The following FSTL5 variants were observed in gnomAD, a reference collection of about 807,000 sequenced individuals.
FSTL5 encodes the protein follistatin like 5.
Under a neutral mutation model 89.1 loss-of-function variants are expected in FSTL5, and 62 were observed. The observed-to-expected ratio is 0.70, with a 90% CI of 0.57 to 0.86. The LOEUF is 0.86. FSTL5 is among the 40% of genes least tolerant of loss of function. FSTL5 has a pLI of 0.00. For missense variants in FSTL5, 1,057 were observed against 1,001.6 expected (o/e 1.06, Z -0.75); for synonymous variants, 383 against 346.2 (o/e 1.11, Z -1.18).
chr4:161,813,434 G>A (rs1305747487), intron 4 of FSTL5, among the ~76,000 whole-genome samples: 2 of 149,766 alleles, frequency 1.3e-5, no homozygotes, highest in African/African-American at 2.5e-5. Context: ...TTTGGGGGGC[G>A]GGGAGCATGT....
At chr4:161,733,163 A>T (rs1190522189) in intron 6 of FSTL5, among the ~76,000 whole-genome samples, 1 of 151,812 alleles carries the variant, frequency 6.6e-6, no homozygotes, top group Non-Finnish European at 1.5e-5. Context: ...CTCTCATAAA[A>T]ATTGGCCTTT....
intron 11 of FSTL5, among the ~76,000 whole-genome samples, chr4:161,505,302 A>T (rs1322191887): frequency 6.6e-6 from 1 of 151,634 alleles, no homozygotes; most frequent in Non-Finnish European, 1.5e-5. Flanking sequence ...TTGTCTTTGT[A>T]CACAGAGCAA....
At chr4:161,736,636 C>T (rs766490071) in intron 6 of FSTL5, among the ~76,000 whole-genome samples, 14 of 152,038 alleles carry the variant, frequency 9.2e-5, no homozygotes, top group Non-Finnish European at 1.9e-4. Flanking sequence ...CGGTATGTAG[C>T]TTGGGAACTG....
chr4:161,530,448 A>C (rs1240057896), intron 10 of FSTL5, among the ~76,000 whole-genome samples: 1 of 145,332 alleles, frequency 6.9e-6, no homozygotes, highest in African/African-American at 2.5e-5. Flanking sequence ...AGCCATTTGA[A>C]ATGTGTTTTT....
chr4:161,569,289 C>T (rs537586543), intron 8 of FSTL5, among the ~76,000 whole-genome samples: 2 of 152,200 alleles, frequency 1.3e-5, no homozygotes, highest in East Asian at 3.9e-4. Flanking sequence ...AGTAAAAAGC[C>T]ATGGCTGCCA....
chr4:162,032,127 T>C (rs1307412426), intron 3 of FSTL5, among the ~76,000 whole-genome samples: 1 of 152,166 alleles, frequency 6.6e-6, no homozygotes, highest in Non-Finnish European at 1.5e-5. Flanking sequence ...ACATGATTTA[T>C]ATACCCCAAG....
At chr4:161,672,457 A>G (rs983344040) in intron 6 of FSTL5, among the ~76,000 whole-genome samples, 1 of 152,028 alleles carries the variant, frequency 6.6e-6, no homozygotes, top group Admixed American at 6.6e-5. Flanking sequence ...ATTAGAAATG[A>G]GCTTTTTGCT....
At chr4:162,052,851 T>A (rs1240048548) in intron 2 of FSTL5, among the ~76,000 whole-genome samples, 1 of 151,898 alleles carries the variant, frequency 6.6e-6, no homozygotes, top group Non-Finnish European at 1.5e-5. Flanking sequence ...ATAGTCATTG[T>A]GTTGTATAAT....
intron 7 of FSTL5, among the ~76,000 whole-genome samples, chr4:161,601,170 G>C (rs1421682157): frequency 6.6e-6 from 1 of 152,018 alleles, no homozygotes; most frequent in Non-Finnish European, 1.5e-5. Flanking sequence ...TTCACAATTT[G>C]CTCTTCAGAA....
At chr4:161,600,697 A>G (rs2126623850) in intron 7 of FSTL5, among the ~76,000 whole-genome samples, 1 of 152,300 alleles carries the variant, frequency 6.6e-6, no homozygotes, top group Admixed American at 6.5e-5. Flanking sequence ...AGCGAATACA[A>G]TTTTATTTTG....
chr4:161,432,350 A>G (rs1732406958), intron 15 of FSTL5, among the ~76,000 whole-genome samples: 1 of 152,112 alleles, frequency 6.6e-6, no homozygotes, highest in Non-Finnish European at 1.5e-5. Context: ...TATGCTCCTG[A>G]ATGAGCAGCG....
At chr4:161,478,992 T>A (rs75070211) in intron 13 of FSTL5, among the ~76,000 whole-genome samples, 4,395 of 151,398 alleles carry the variant, frequency 0.029, 148 homozygotes, top group East Asian at 0.13. Flanking sequence ...AGTAGTTACA[T>A]GTGGTAATAG....
At chr4:161,663,084 TC>T (rs1290566763) in intron 6 of FSTL5, among the ~76,000 whole-genome samples, 1 of 152,024 alleles carries the variant, frequency 6.6e-6, no homozygotes, top group African/African-American at 2.4e-5. Context: ...TCAGTTACCT[TC>T]CCCTGGGTCC....
chr4:161,964,439 TA>T (rs1735267693), intron 3 of FSTL5, among the ~76,000 whole-genome samples: 2 of 152,050 alleles, frequency 1.3e-5, no homozygotes, highest in African/African-American at 4.8e-5. Context: ...CAAAATCACA[TA>T]GTGCAATGAG....
At chr4:161,503,330 T>G (rs1578882592) in intron 11 of FSTL5, among the ~76,000 whole-genome samples, 1 of 151,862 alleles carries the variant, frequency 6.6e-6, no homozygotes, top group Non-Finnish European at 1.5e-5. Flanking sequence ...TAACCAGACT[T>G]TGATAACTAT....
Position 161,728,593 on chromosome 4 carries a change from T to C in FSTL5, c.727+30818A>G, listed in dbSNP as rs190682943. 7.2e-5 allele frequency among the ~76,000 whole-genome samples: 11 copies of C among 152,208 alleles called. No individual in the cohort carries two copies. In the East Asian group the frequency reaches 1.5e-3, roughly 21 times the overall value. On this transcript the variant is annotated intron_variant, in intron 6 of 15. Coordinates refer to ENST00000306100, the MANE Select transcript of FSTL5 (RefSeq NM_020116.5). ...TCATCTAATCATATATATACACATA[T>C]ATATATGATGACAAAGAAGATAATC...
At chr4:162,027,461 C>A (rs1184397902) in intron 3 of FSTL5, among the ~76,000 whole-genome samples, 4 of 151,836 alleles carry the variant, frequency 2.6e-5, no homozygotes, top group Non-Finnish European at 5.9e-5. Flanking sequence ...GTCAAAGTAC[C>A]AATTATTATC....
At chr4:161,969,773 T>C (rs901251082) in intron 3 of FSTL5, among the ~76,000 whole-genome samples, 3 of 151,992 alleles carry the variant, frequency 2.0e-5, no homozygotes, top group Non-Finnish European at 4.4e-5. Context: ...AATAAGAACC[T>C]TTTTTTGGAG....
At chr4:161,493,166 A>G (rs1339806002) in intron 12 of FSTL5, among the ~76,000 whole-genome samples, 3 of 151,902 alleles carry the variant, frequency 2.0e-5, no homozygotes, top group Non-Finnish European at 4.4e-5. Context: ...AAAATAAAAG[A>G]TAAAGATTTA....
Sources: allele counts gnomAD v4.1 joint callset (sites outside exome capture counted in the v4.1 genomes callset), GRCh38; gene constraint gnomAD v4.1.1; transcripts MANE v1.5; gene names NCBI Gene and HGNC (gene_info 2026-07-23, HGNC 2026-07-21).